Variants in PLIN3 observed in about 807,000 individuals in gnomAD.
The protein encoded by PLIN3 is perilipin-3.
A neutral mutation model predicts 35.9 loss-of-function variants in PLIN3; 30 were observed. The ratio of observed to expected loss-of-function variants is 0.84; its 90% confidence interval spans 0.62 to 1.13. PLIN3 has a LOEUF of 1.13. PLIN3 is among the 50% of genes most tolerant of loss of function. PLIN3 has a pLI of 0.00. For synonymous variants in PLIN3, 261 were observed against 262.5 expected (o/e 0.99, Z 0.06); for missense variants, 603 against 596.9 (o/e 1.01, Z -0.11).
intron 2 of PLIN3, 149 bp from the exon 3 acceptor site, chr19:4,860,173 C>A (rs1487437104): frequency 3.0e-6 from 2 of 665,602 alleles, no homozygotes; most frequent in African/African-American, 3.6e-5. Flanking sequence ...GTTGCACAAG[C>A]CAGGAACCTT....
intron 4 of PLIN3, among the ~76,000 whole-genome samples, chr19:4,853,119 TG>T (rs1384440004): frequency 2.3e-3 from 82 of 36,056 alleles, no homozygotes; most frequent in Admixed American, 5.9e-3. Context: ...GCCTGTTTTT[TG>T]TTTTTTTTTT....
intron 1 of PLIN3, among the ~76,000 whole-genome samples, chr19:4,864,519 G>C (rs2030787674): frequency 6.6e-6 from 1 of 150,938 alleles, no homozygotes; most frequent in Admixed American, 6.7e-5. Context: ...GTTTTGCCAT[G>C]TTGCCCAGGT....
At chr19:4,839,964 CCT>C (rs1491539434) in intron 7 of PLIN3, among the ~76,000 whole-genome samples, 2 of 147,488 alleles carry the variant, frequency 1.4e-5, no homozygotes, top group Non-Finnish European at 3.0e-5. Flanking sequence ...CGTGCCCGGC[CCT>C]TTTTTTTTTT....
intron 4 of PLIN3, among the ~76,000 whole-genome samples, chr19:4,858,746 G>C (rs1328024938): frequency 7.6e-6 from 1 of 131,388 alleles, no homozygotes; most frequent in Middle Eastern, 4.4e-3. Context: ...TTGCTGCCCA[G>C]GCTAGAGTGC....
chr19:4,862,541 C>T (rs541196895), intron 1 of PLIN3, among the ~76,000 whole-genome samples: 7 of 152,170 alleles, frequency 4.6e-5, no homozygotes, highest in African/African-American at 7.2e-5. Context: ...CCACCATGCC[C>T]GGCCCTGACC....
intron 5 of PLIN3, 58 bp downstream of exon 5, chr19:4,851,958 G>A (rs991295070): frequency 6.3e-5 from 98 of 1,551,816 alleles, no homozygotes; most frequent in Non-Finnish European, 7.3e-5. Flanking sequence ...GGCCGACAGC[G>A]GCTTCCGGTC....
At chr19:4,860,819 A>C (rs947982250) in intron 2 of PLIN3, among the ~76,000 whole-genome samples, 3 of 151,928 alleles carry the variant, frequency 2.0e-5, no homozygotes, top group Non-Finnish European at 4.4e-5. Flanking sequence ...AAAAATACAA[A>C]AATTAGCCGG....
At chr19:4,862,757 G>A (rs1455906194) in intron 1 of PLIN3, among the ~76,000 whole-genome samples, 9 of 152,120 alleles carry the variant, frequency 5.9e-5, no homozygotes, top group African/African-American at 1.9e-4. Context: ...ACCTCACTTC[G>A]GGGAAGAACC....
At chr19:4,861,090 G>A (rs950488752) in intron 2 of PLIN3, among the ~76,000 whole-genome samples, 1 of 152,200 alleles carries the variant, frequency 6.6e-6, no homozygotes, top group Non-Finnish European at 1.5e-5. Context: ...AGGGGTTGGG[G>A]AGGGCAGGTA....
Position 4,839,149 on chromosome 19 carries a change from C to G in PLIN3, c.*43G>C, listed in dbSNP as rs770316938. On this transcript the variant is annotated 3_prime_UTR_variant, in exon 8 of 8. Transcript: ENST00000221957. The stretch of plus-strand genomic sequence containing the variant: ...CCGGGTTGAGGACTCCAGAGCACAG[C>G]TGCATTATAGAGACGGGGCCCGCTG... The G allele has an allele frequency of 1.3e-6, 2 of 1,483,060 alleles. No homozygotes were observed. Among genetic ancestry groups the G allele is most frequent in the African/African-American group, 2.8e-5 (2 of 72,080 alleles). The allele number at this position is 1,483,060 out of a possible 1,614,324, so 91.9% of individuals were successfully genotyped here. A position where few individuals can be genotyped will look rare whatever the true frequency, so the allele number is the denominator to read the frequency against.
chr19:4,842,877 T>C (rs1158212384), intron 7 of PLIN3, among the ~76,000 whole-genome samples: 1 of 152,120 alleles, frequency 6.6e-6, no homozygotes, highest in African/African-American at 2.4e-5. Context: ...CATGTCACTT[T>C]TGTAGCCCTT....
At chr19:4,866,625 A>G (rs987921678) in intron 1 of PLIN3, 2 of 152,240 alleles carry the variant, frequency 1.3e-5, no homozygotes, top group Non-Finnish European at 2.9e-5. Context: ...GTGAGAAGAC[A>G]TACCTACCTC....
intron 6 of PLIN3, among the ~76,000 whole-genome samples, chr19:4,845,577 A>T (rs994280989): frequency 3.9e-5 from 6 of 152,114 alleles, no homozygotes; most frequent in Admixed American, 3.9e-4. Flanking sequence ...CCAGAACAGC[A>T]TAGGCAACAC....
chr19:4,846,888 A>T (rs916947160), intron 6 of PLIN3, among the ~76,000 whole-genome samples: 2 of 138,224 alleles, frequency 1.4e-5, no homozygotes, highest in African/African-American at 5.4e-5. Flanking sequence ...GACAGTACGA[A>T]TTTTTTTTTT....
At chr19:4,854,339 C>A (rs919090195) in intron 4 of PLIN3, among the ~76,000 whole-genome samples, 10 of 152,066 alleles carry the variant, frequency 6.6e-5, no homozygotes, top group African/African-American at 2.2e-4. Flanking sequence ...AGACTCAGTC[C>A]TCTTGTACTC....
At chr19:4,854,070 C>A (rs2030393477) in intron 4 of PLIN3, among the ~76,000 whole-genome samples, 1 of 151,844 alleles carries the variant, frequency 6.6e-6, no homozygotes, top group African/African-American at 2.4e-5. Context: ...GTAGCTGAGA[C>A]TACAGGTACG....
At position 4,839,168 on chromosome 19, in the gene PLIN3, C is replaced by T. The variant is rs758404762; in HGVS notation, c.*24G>A. 6.4e-7 allele frequency: 1 copy of T among 1,557,222 alleles called. No homozygotes were observed. The highest frequency in any genetic ancestry group is 1.2e-5 in the South Asian group (1 of 85,662). Reference sequence around the variant, plus strand: ...GCACAGCTGCATTATAGAGACGGGGCCCGCTGAGTCCTCTCCTCTCCCCCT... The same window carrying T: ...GCACAGCTGCATTATAGAGACGGGGTCCGCTGAGTCCTCTCCTCTCCCCCT... On this transcript the variant is annotated 3_prime_UTR_variant, in exon 8 of 8. Coordinates refer to ENST00000221957, the MANE Select transcript of PLIN3 (RefSeq NM_005817.5).
At chr19:4,850,581 C>A (rs1255675636) in intron 5 of PLIN3, among the ~76,000 whole-genome samples, 50 of 147,868 alleles carry the variant, frequency 3.4e-4, no homozygotes, top group African/African-American at 1.3e-3. Flanking sequence ...CCACCACGCC[C>A]GGCTAATTTT....
rs71170860 is a variant in PLIN3 at position 4,850,587 on chromosome 19, A to AT, written c.634+1428dup. 8.7e-3 allele frequency among the ~76,000 whole-genome samples: 1,082 copies of AT among 124,474 alleles called. 12 individuals carry two copies. Among genetic ancestry groups the AT allele is most frequent in the African/African-American group, 0.011 (333 of 31,574 alleles). 81.7% of individuals were successfully genotyped at this position (124,474 alleles called of 152,430 possible). A position where few individuals can be genotyped will look rare whatever the true frequency, so the allele number is the denominator to read the frequency against. On this transcript the variant is annotated intron_variant, in intron 5 of 7. Transcript: ENST00000221957. ...AGGCACCCGCCACCACGCCCGGCTA[A>AT]TTTTTTTTTTTTTTTTTTTTTTTTT... is the stretch of plus-strand genomic sequence containing the variant.
Sources: gnomAD v4.1 joint callset for allele counts (sites outside exome capture counted in the v4.1 genomes callset) on GRCh38, gnomAD v4.1.1 for gene constraint, MANE v1.5 for transcripts, NCBI Gene and HGNC (gene_info 2026-07-23, HGNC 2026-07-21) for gene names.